The following PKD1L1 variants were observed in gnomAD, a reference collection of about 807,000 sequenced individuals.
PKD1L1 encodes the protein polycystin 1 like 1, transient receptor potential channel interacting, also known as polycystin-1-like protein 1.
In PKD1L1, 236 loss-of-function variants were observed where a neutral mutation model predicts 323.4. The observed-to-expected ratio is 0.73, with a 90% CI of 0.66 to 0.81. The LOEUF is 0.81. Ranked by LOEUF, PKD1L1 falls within the 40% of genes least tolerant of loss-of-function variation. The probability of loss-of-function intolerance (pLI) is 0.00; values close to 1 mark genes in which losing one functional copy is unlikely to be tolerated. For missense variants in PKD1L1, 3,320 were observed against 3,508.0 expected (o/e 0.95, Z 1.35); for synonymous variants, 1,344 against 1,335.0 (o/e 1.01, Z -0.15).
intron 18 of PKD1L1, 96 bp from the exon 19 acceptor site, chr7:47,884,753 G>A (rs1786644797): frequency 2.0e-6 from 2 of 984,968 alleles, no homozygotes; most frequent in Non-Finnish European, 3.2e-6. Flanking sequence ...TGTCCTTGGT[G>A]TATTTCTAGA....
chr7:47,836,519 A>G (rs565761219), intron 37 of PKD1L1, among the ~76,000 whole-genome samples: 66 of 152,360 alleles, frequency 4.3e-4, no homozygotes, highest in African/African-American at 1.5e-3. Flanking sequence ...GCAAACTGGC[A>G]TCTTGAGGGA....
At chr7:47,844,689 A>G (rs868322127) in intron 33 of PKD1L1, among the ~76,000 whole-genome samples, 2 of 152,344 alleles carry the variant, frequency 1.3e-5, no homozygotes, top group African/African-American at 4.8e-5. Context: ...TATCAACCCT[A>G]TCAATAATAA....
At chr7:47,836,031 A>G (rs948073833) in intron 37 of PKD1L1, among the ~76,000 whole-genome samples, 4 of 152,256 alleles carry the variant, frequency 2.6e-5, no homozygotes, top group Non-Finnish European at 5.9e-5. Flanking sequence ...TGTCGGCTTC[A>G]AAGAAGAGGC....
intron 56 of PKD1L1, among the ~76,000 whole-genome samples, chr7:47,778,328 T>A (rs1786615369): frequency 6.6e-6 from 1 of 152,106 alleles, no homozygotes; most frequent in Non-Finnish European, 1.5e-5. Flanking sequence ...TAATTTTGAC[T>A]CCGGGGCAAA....
chr7:47,931,145 C>A lies in PKD1L1; in HGVS notation c.696G>T (p.Val232=). Residue 232 remains valine, a synonymous_variant, in exon 6 of 57, where the codon GTG becomes GTT. Coordinates refer to ENST00000289672, the MANE Select transcript of PKD1L1 (RefSeq NM_138295.5). Reference sequence around the variant, plus strand: ...GAAAATGTGAAATCGGCCACAGGGGCACTCGCTGGGAGCTGGTCTGAGTGG... The same window carrying A: ...GAAAATGTGAAATCGGCCACAGGGGAACTCGCTGGGAGCTGGTCTGAGTGG... ...ARPTQTSSQR[V]PLWPISHFPT... The A allele has an allele frequency of 1.2e-6, 2 of 1,614,216 alleles. No homozygotes were observed. Among genetic ancestry groups the A allele is most frequent in the South Asian group, 2.2e-5 (2 of 91,084 alleles).
intron 48 of PKD1L1, chr7:47,813,591 A>G: frequency 1.5e-6 from 1 of 669,196 alleles, no homozygotes; most frequent in Middle Eastern, 2.4e-4. Flanking sequence ...GTCTCAGGGC[A>G]TACCCTCCCC....
chr7:47,854,812 T>A (rs1785859956), intron 30 of PKD1L1, 70 bp downstream of exon 30: 1 of 1,522,556 alleles, frequency 6.6e-7, no homozygotes, highest in South Asian at 1.2e-5. Context: ...CACTGATTTT[T>A]TGTCACAAAA....
intron 23 of PKD1L1, among the ~76,000 whole-genome samples, chr7:47,875,228 G>T (rs1218175632): frequency 6.6e-6 from 1 of 152,200 alleles, no homozygotes. Context: ...CAATATAATT[G>T]ATTTGTATCT....
intron 56 of PKD1L1, among the ~76,000 whole-genome samples, chr7:47,782,661 G>C (rs1285020387): frequency 6.6e-6 from 1 of 152,180 alleles, no homozygotes; most frequent in Non-Finnish European, 1.5e-5. Context: ...GTACACCCAT[G>C]TGTGCTAGCT....
chr7:47,937,917 C>A lies in PKD1L1; in HGVS notation c.286-959G>T, dbSNP rs1003190007. On this transcript the variant is annotated intron_variant, in intron 3 of 56. Coordinates refer to ENST00000289672, the MANE Select transcript of PKD1L1 (RefSeq NM_138295.5). ...CTCTCCTTGTGACAAAATCTCAATC[C>A]TGGTGGCACCAGGAAAGCAGGGAGG... Among the ~76,000 whole-genome samples, 9 of 152,230 alleles carry A rather than the reference C, an allele frequency of 5.9e-5. No homozygotes were observed. The East Asian group carries it at 1.6e-3, about 26-fold the overall frequency.
chr7:47,889,847 G>C (rs1487487749), intron 16 of PKD1L1, among the ~76,000 whole-genome samples: 1 of 152,194 alleles, frequency 6.6e-6, no homozygotes, highest in Non-Finnish European at 1.5e-5. Context: ...CGATGGGAGA[G>C]TGTCCAAAGC....
At chr7:47,816,364 T>G (rs1785018468) in intron 46 of PKD1L1, among the ~76,000 whole-genome samples, 1 of 152,232 alleles carries the variant, frequency 6.6e-6, no homozygotes, top group Admixed American at 6.5e-5. Context: ...TCATTTTTAG[T>G]TTGCTCAGAC....
chr7:47,786,850 G>A (rs773121269), intron 56 of PKD1L1, among the ~76,000 whole-genome samples: 2 of 152,250 alleles, frequency 1.3e-5, no homozygotes, highest in South Asian at 4.1e-4. Flanking sequence ...GGGGTCCAAG[G>A]CTACATAGCT....
At chr7:47,850,894 C>T (rs775569486) in intron 31 of PKD1L1, among the ~76,000 whole-genome samples, 25 of 152,040 alleles carry the variant, frequency 1.6e-4, no homozygotes, top group Non-Finnish European at 3.2e-4. Context: ...AATTCTAAAA[C>T]GATTTGGTGT....
chr7:47,785,898 C>T (rs1395098366), intron 56 of PKD1L1, among the ~76,000 whole-genome samples: 1 of 152,038 alleles, frequency 6.6e-6, no homozygotes, highest in Non-Finnish European at 1.5e-5. Flanking sequence ...CCCATCACCA[C>T]AGCCGGCTAA....
intron 3 of PKD1L1, among the ~76,000 whole-genome samples, chr7:47,939,066 A>G (rs1296857829): frequency 6.6e-6 from 1 of 152,158 alleles, no homozygotes; most frequent in Non-Finnish European, 1.5e-5. Context: ...AACGCAGGTA[A>G]TATCACCTCC....
At chr7:47,865,325 T>A in intron 25 of PKD1L1, 53 bp from the exon 26 acceptor site, 9 of 1,344,460 alleles carry the variant, frequency 6.7e-6, no homozygotes, top group South Asian at 1.2e-5. Flanking sequence ...GAGAGGGAAA[T>A]TAGCTTGTTT....
chr7:47,890,446 T>G, intron 16 of PKD1L1, 96 bp downstream of exon 16: 1 of 1,254,314 alleles, frequency 8.0e-7, no homozygotes, highest in Non-Finnish European at 1.1e-6. Context: ...AACTCCAAAC[T>G]GCTTGCTGTG....
Position 47,858,832 on chromosome 7 carries a change from A to G in PKD1L1, c.4203T>C (p.Ala1401=). 6.2e-7 allele frequency: 1 copy of G among 1,614,124 alleles called. No individual in the cohort carries two copies. The highest frequency in any genetic ancestry group is 2.2e-5 in the East Asian group (1 of 44,874). The part of the protein sequence containing the change: ...LILKYTRALL[A]QGQFSGPFVI... ...CAAATGGCCCCGAGAACTGGCCTTG[A>G]GCAAGGAGTGCCCGGGTGTACTTGA... is the stretch of plus-strand genomic sequence containing the variant. The change falls in exon 27 of 57, where the codon GCT becomes GCC. Residue 1401 remains alanine, a synonymous_variant. Transcript: ENST00000289672.
Sources: gnomAD v4.1 joint callset for allele counts (sites outside exome capture counted in the v4.1 genomes callset) on GRCh38, gnomAD v4.1.1 for gene constraint, MANE v1.5 for transcripts, NCBI Gene and HGNC (gene_info 2026-07-23, HGNC 2026-07-21) for gene names.